TBX19: variants seen among roughly 807,000 people sequenced by gnomAD.
TBX19 encodes T-box transcription factor 19.
Under a neutral mutation model 40.9 loss-of-function variants are expected in TBX19, and 33 were observed. The observed-to-expected ratio is 0.81, with a 90% confidence interval of 0.61 to 1.08. The LOEUF (loss-of-function observed/expected upper bound fraction) is 1.08. Among genes scored for constraint, TBX19 ranks in the 50% least tolerant of loss-of-function variants. The probability of loss-of-function intolerance (pLI) is 0.00; values close to 1 mark genes in which losing one functional copy is unlikely to be tolerated. For synonymous variants in TBX19, 220 were observed against 225.0 expected (o/e 0.98, Z 0.20); for missense variants, 494 against 574.0 (o/e 0.86, Z 1.42).
chr1:168,298,630 TTC>T lies in TBX19; in HGVS notation c.665+847_665+848del, dbSNP rs1225002416. 4.6e-5 allele frequency among the ~76,000 whole-genome samples: 7 copies of T among 151,732 alleles called. No individual in the cohort carries two copies. In the South Asian group the frequency reaches 1.3e-3, roughly 27 times the overall value. On this transcript the variant is annotated intron_variant, in intron 4 of 7. Coordinates refer to ENST00000367821, the MANE Select transcript of TBX19 (RefSeq NM_005149.3). The stretch of plus-strand genomic sequence containing the variant: ...TTCCTTCCTTTCTCTCTTTTTTCCT[TTC>T]TTTCTTTCCCTTCTTTCCCTTTCCT...
At chr1:168,297,934 T>A in intron 4 of TBX19, 149 bp downstream of exon 4, 1 of 676,628 alleles carries the variant, frequency 1.5e-6, no homozygotes, top group Non-Finnish European at 2.5e-6. Flanking sequence ...CGGTGGCTCA[T>A]GCCTGTAATC....
Position 168,312,830 on chromosome 1 carries a change from C to T in TBX19, c.1175C>T (p.Pro392Leu), listed in dbSNP as rs763903974. The T allele has an allele frequency of 2.5e-6, 4 of 1,614,284 alleles. No homozygotes were observed. The highest frequency in any genetic ancestry group is 2.2e-5 in the East Asian group (1 of 44,890). The change falls in exon 8 of 8, where the codon CCT becomes CTT. Residue 392 changes from proline to leucine, a missense_variant. By Grantham distance (98) the Pro-to-Leu change is moderately conservative. Around this residue, in one of 3 missense-constraint regions of TBX19, gnomAD observed 284 missense variants for 307.3 expected, o/e 0.92. Transcript: ENST00000367821. ...LLGNPAVTSP[P>L]SVLSTQAPTS... ...GGAAACCCAGCTGTGACTTCACCCC[C>T]TTCTGTGCTCTCCACCCAAGCACCC...
Position 168,298,827 on chromosome 1 carries a change from CTTTCTTT to C in TBX19, c.665+1043_665+1049del, listed in dbSNP as rs1479047417. Among the ~76,000 whole-genome samples, 16 of 17,182 alleles carry C rather than the reference CTTTCTTT, an allele frequency of 9.3e-4. 4 individuals are homozygous for C. The highest frequency in any genetic ancestry group is 5.0e-3 in the African/African-American group (15 of 2,978). The allele number at this position is 17,182 out of a possible 152,430, so 11.3% of individuals were successfully genotyped here. On this transcript the variant is annotated intron_variant, in intron 4 of 7. Coordinates refer to ENST00000367821, the MANE Select transcript of TBX19 (RefSeq NM_005149.3). ...CCTCCCTCCCTCCCTCCCTTCCTTT[CTTTCTTT>C]CTTTCTTTCTTTCTTTCTTTCTTTC... is the stretch of plus-strand genomic sequence containing the variant.
At chr1:168,304,428 C>CA (rs1318767441) in intron 5 of TBX19, among the ~76,000 whole-genome samples, 1 of 151,948 alleles carries the variant, frequency 6.6e-6, no homozygotes, top group African/African-American at 2.4e-5. Context: ...TCAGATATGC[C>CA]AAAAACCTGA....
chr1:168,311,976 G>A (rs575640351), intron 7 of TBX19, among the ~76,000 whole-genome samples: 2 of 152,130 alleles, frequency 1.3e-5, no homozygotes, highest in South Asian at 2.1e-4. Context: ...CCAATGTGCC[G>A]AATGTGCAAT....
chr1:168,301,621 T>C (rs1188445040), intron 5 of TBX19, among the ~76,000 whole-genome samples: 1 of 152,204 alleles, frequency 6.6e-6, no homozygotes, highest in African/African-American at 2.4e-5. Flanking sequence ...AACATTAATA[T>C]AAGTAAAAAG....
At chr1:168,293,067 G>C in intron 2 of TBX19, 77 bp from the exon 3 acceptor site, 1 of 1,598,884 alleles carries the variant, frequency 6.3e-7, no homozygotes. Flanking sequence ...GGGACCAACT[G>C]GAGATGCTGG....
chr1:168,305,302 G>A (rs1406074928), intron 6 of TBX19, 106 bp downstream of exon 6: 19 of 1,007,178 alleles, frequency 1.9e-5, no homozygotes, highest in African/African-American at 3.2e-5. Flanking sequence ...ATGGAACCCC[G>A]TCATCTAATA....
intron 3 of TBX19, among the ~76,000 whole-genome samples, chr1:168,293,842 T>G (rs529630949): frequency 5.9e-5 from 9 of 152,174 alleles, no homozygotes; most frequent in Admixed American, 6.5e-5. Context: ...TTGGGTCCGT[T>G]CACATGATCT....
chr1:168,298,173 G>T (rs1021748222), intron 4 of TBX19, among the ~76,000 whole-genome samples: 5 of 152,170 alleles, frequency 3.3e-5, no homozygotes, highest in Non-Finnish European at 7.3e-5. Flanking sequence ...TCCAGCCTGG[G>T]CGACAGAGCG....
chr1:168,298,822 C>CCCTCCCTCCCTTCCTTTCCTT (rs1553289837), intron 4 of TBX19, among the ~76,000 whole-genome samples: 2 of 9,788 alleles, frequency 2.0e-4, no homozygotes, highest in Non-Finnish European at 3.7e-4. Flanking sequence ...TCCCTCCCTT[C>CCCTCCCTCCCTTCCTTTCCTT]CTTTCTTTCT....
intron 7 of TBX19, among the ~76,000 whole-genome samples, chr1:168,309,659 C>T (rs1649479922): frequency 6.6e-6 from 1 of 152,140 alleles, no homozygotes; most frequent in Non-Finnish European, 1.5e-5. Context: ...GTTTAATCCT[C>T]ACACTAGCAA....
At chr1:168,309,676 T>G (rs984577777) in intron 7 of TBX19, among the ~76,000 whole-genome samples, 1 of 152,150 alleles carries the variant, frequency 6.6e-6, no homozygotes, top group African/African-American at 2.4e-5. Flanking sequence ...GCAACCTGCA[T>G]TAAGTTCTGA....
chr1:168,311,875 G>A (rs1182304243), intron 7 of TBX19, among the ~76,000 whole-genome samples: 3 of 152,182 alleles, frequency 2.0e-5, no homozygotes, highest in Non-Finnish European at 4.4e-5. Flanking sequence ...CTGCATGCCA[G>A]ATCAGTTCAA....
chr1:168,297,893 C>A (rs773685802), intron 4 of TBX19, 108 bp downstream of exon 4: 47 of 1,005,322 alleles, frequency 4.7e-5, no homozygotes, highest in Non-Finnish European at 7.1e-5. Context: ...ACTTTCATTA[C>A]CTTTTATAGA....
In TBX19 at chr1:168,281,079, C is replaced by T. The variant is rs770339238; in HGVS notation, c.-12C>T. Reference sequence around the variant, plus strand: ...TTGGGTAACGGCTCTCGGCAAAGTTCGAGAAGTGCCTATGGCCATGAGTGA... The same window carrying T: ...TTGGGTAACGGCTCTCGGCAAAGTTTGAGAAGTGCCTATGGCCATGAGTGA... On this transcript the variant is annotated 5_prime_UTR_variant, in exon 1 of 8. Coordinates refer to ENST00000367821, the MANE Select transcript of TBX19 (RefSeq NM_005149.3). The T allele has an allele frequency of 6.2e-6, 10 of 1,613,780 alleles. No individual in the cohort carries two copies. The highest frequency in any genetic ancestry group is 1.6e-4 in the Middle Eastern group (1 of 6,068).
At chr1:168,301,305 C>T (rs1649269341) in intron 5 of TBX19, among the ~76,000 whole-genome samples, 1 of 152,044 alleles carries the variant, frequency 6.6e-6, no homozygotes. Flanking sequence ...CTCTGTTGCC[C>T]AGGCTGGAGT....
chr1:168,301,290 T>G (rs1437552208), intron 5 of TBX19, among the ~76,000 whole-genome samples: 1 of 150,874 alleles, frequency 6.6e-6, no homozygotes, highest in African/African-American at 2.4e-5. Context: ...TGAGATGGAG[T>G]CTCGCTCTGT....
intron 3 of TBX19, among the ~76,000 whole-genome samples, chr1:168,295,814 C>T (rs1002010377): frequency 2.0e-5 from 3 of 152,096 alleles, no homozygotes; most frequent in Non-Finnish European, 2.9e-5. Context: ...TCTGGTCTCC[C>T]GGCAAGGCCC....
Sources: allele counts gnomAD v4.1 joint callset (sites outside exome capture counted in the v4.1 genomes callset), GRCh38; gene constraint gnomAD v4.1.1; regional missense constraint gnomAD v4.1.1; transcripts MANE v1.5; gene names NCBI Gene and HGNC (gene_info 2026-07-23, HGNC 2026-07-21).